PLCG2: variants seen among roughly 807,000 people sequenced by gnomAD.
PLCG2 encodes phospholipase C gamma 2.
PLCG2 carries 69 observed loss-of-function variants against 175.6 expected under a neutral mutation model. That is an observed-to-expected ratio of 0.39 (90% CI 0.32 to 0.48). PLCG2 has a LOEUF of 0.48. Among genes scored for constraint, PLCG2 ranks in the 20% least tolerant of loss-of-function variants. The pLI is 0.91. For missense variants in PLCG2, 1,798 were observed against 1,650.9 expected, an observed-to-expected ratio of 1.09 and a Z score of -1.54; for synonymous variants, 827 against 624.0, an observed-to-expected ratio of 1.33 and a Z score of -4.85.
chr16:81,891,690 C>T (rs919596563), intron 11 of PLCG2, 100 bp downstream of exon 11: 5 of 736,948 alleles, frequency 6.8e-6, no homozygotes, highest in Non-Finnish European at 1.2e-5. Flanking sequence ...TGTTGTGAAG[C>T]AGGTGGAGGG....
chr16:81,858,456 C>T, intron 4 of PLCG2, 100 bp downstream of exon 4: 1 of 850,998 alleles, frequency 1.2e-6, no homozygotes, highest in Non-Finnish European at 2.0e-6. Flanking sequence ...AAAAAAGGGA[C>T]ATTGGTTTTT....
At chr16:81,934,744 A>G (rs1910638046) in intron 26 of PLCG2, among the ~76,000 whole-genome samples, 1 of 152,156 alleles carries the variant, frequency 6.6e-6, no homozygotes, top group African/African-American at 2.4e-5. Context: ...TGATAAAGAC[A>G]TACCCAAGAC....
intron 4 of PLCG2, 95 bp downstream of exon 4, chr16:81,858,451 A>AT: frequency 2.3e-6 from 2 of 865,198 alleles, no homozygotes; most frequent in Admixed American, 3.6e-5. Context: ...AAAAAAAAAA[A>AT]GGGACATTGG....
intron 2 of PLCG2, among the ~76,000 whole-genome samples, chr16:81,772,893 C>T (rs768775258): frequency 1.3e-5 from 2 of 152,172 alleles, no homozygotes; most frequent in Admixed American, 6.5e-5. Context: ...CCTTCGGATG[C>T]CTTCTTGCTC....
rs1474371571 is a variant in PLCG2, at chr16:81,883,525, G to C, written c.765+184G>C. On this transcript the variant is annotated intron_variant, in intron 9 of 32. Coordinates refer to ENST00000564138, the MANE Select transcript of PLCG2 (RefSeq NM_002661.5). ...CAGATGCCAGAGACTTCAGATTGCTGTCTGATGCCACTGAAACTCTGGATG... is the reference window on the plus strand; with the variant it reads ...CAGATGCCAGAGACTTCAGATTGCTCTCTGATGCCACTGAAACTCTGGATG... 5.0e-6 allele frequency: 3 copies of C among 605,102 alleles called. No individual in the cohort carries two copies. The African/African-American group carries it at 5.5e-5, about 11-fold the overall frequency. 37.5% of individuals were successfully genotyped at this position (605,102 alleles called of 1,614,324 possible).
At chr16:81,889,088 G>T in intron 9 of PLCG2, 84 bp from the exon 10 acceptor site, 1 of 794,604 alleles carries the variant, frequency 1.3e-6, no homozygotes. Flanking sequence ...TTCAGTCTTC[G>T]ATTGCGACTG....
At chr16:81,881,410 G>A (rs746130664) in intron 8 of PLCG2, among the ~76,000 whole-genome samples, 1 of 152,220 alleles carries the variant, frequency 6.6e-6, no homozygotes, top group East Asian at 1.9e-4. Flanking sequence ...TTACTAAAAA[G>A]TCAGAGTTGC....
chr16:81,893,860 C>A, intron 12 of PLCG2, 66 bp downstream of exon 12: 1 of 997,840 alleles, frequency 1.0e-6, no homozygotes, highest in Non-Finnish European at 1.6e-6. Flanking sequence ...GTGGTTGCTC[C>A]ATGTTTTCTT....
chr16:81,795,608 T>C (rs1156989258), intron 2 of PLCG2, among the ~76,000 whole-genome samples: 2 of 152,098 alleles, frequency 1.3e-5, no homozygotes, highest in East Asian at 3.9e-4. Flanking sequence ...GACCACTGCA[T>C]GGAGGAAGAG....
At position 81,936,267 on chromosome 16, in the gene PLCG2, G is replaced by T. The variant is rs1381141228; in HGVS notation, c.2941G>T (p.Gly981Cys). 16 of 1,614,038 alleles carry T rather than the reference G, an allele frequency of 9.9e-6. No individual in the cohort carries two copies. The highest frequency in any genetic ancestry group is 1.4e-5 in the Non-Finnish European group (16 of 1,180,020). ...PVDLLKYNQK[G>C]LTRVYPKGQR... ...CGACCTCCTGAAGTACAATCAAAAG[G>T]GCCTGACCCGCGTCTACCCAAAGGG... Residue 981 changes from glycine to cysteine, a missense_variant, in exon 27 of 33, where the codon GGC becomes TGC. Gly to Cys is a radical substitution (Grantham distance 159, BLOSUM62 -3). Transcript: ENST00000564138.
chr16:81,812,942 C>T (rs186684624), intron 2 of PLCG2, among the ~76,000 whole-genome samples: 88 of 152,202 alleles, frequency 5.8e-4, no homozygotes, highest in African/African-American at 1.8e-3. Flanking sequence ...ATCCTTTCCC[C>T]GTTGCTTGTT....
At chr16:81,844,283 G>A (rs1017042150) in intron 2 of PLCG2, among the ~76,000 whole-genome samples, 8 of 150,232 alleles carry the variant, frequency 5.3e-5, no homozygotes, top group South Asian at 4.2e-4. Context: ...GTGAGCCACC[G>A]CGCCCGGGCA....
rs763486467 is a variant in PLCG2, at chr16:81,928,550, C to T, written c.2515-8C>T. 5.0e-6 allele frequency: 8 copies of T among 1,585,346 alleles called. No homozygotes were observed. Among genetic ancestry groups the T allele is most frequent in the South Asian group, 1.1e-5 (1 of 90,494 alleles). Reference sequence around the variant, plus strand: ...AACTAACGTGAGTTATGTCTTGTTTCTTCACAGATTATTGAAGACAATCCC... The same window carrying T: ...AACTAACGTGAGTTATGTCTTGTTTTTTCACAGATTATTGAAGACAATCCC... On this transcript the variant is annotated splice_region_variant and splice_polypyrimidine_tract_variant and intron_variant, in intron 23 of 32. Transcript: ENST00000564138.
intron 2 of PLCG2, among the ~76,000 whole-genome samples, chr16:81,830,762 C>A (rs1295493139): frequency 6.6e-6 from 1 of 151,290 alleles, no homozygotes; most frequent in East Asian, 1.9e-4. Context: ...TCCAGAGGAC[C>A]CTGGAGGAGA....
At chr16:81,834,413 G>C (rs1567489042) in intron 2 of PLCG2, among the ~76,000 whole-genome samples, 1 of 152,128 alleles carries the variant, frequency 6.6e-6, no homozygotes, top group African/African-American at 2.4e-5. Context: ...AGAACTCTGG[G>C]CCTGCAGCTA....
intron 2 of PLCG2, among the ~76,000 whole-genome samples, chr16:81,761,829 ATTTTT>A (rs556864309): frequency 7.7e-6 from 1 of 130,228 alleles, no homozygotes; most frequent in Non-Finnish European, 1.7e-5. Context: ...CACCCTGCAC[ATTTTT>A]TTTTTTTTTT....
chr16:81,831,663 C>T (rs942823702), intron 2 of PLCG2, among the ~76,000 whole-genome samples: 9 of 152,132 alleles, frequency 5.9e-5, no homozygotes, highest in South Asian at 4.1e-4. Flanking sequence ...ATTTGTACCC[C>T]GAGTGGGACT....
intron 9 of PLCG2, among the ~76,000 whole-genome samples, chr16:81,886,864 C>T (rs908453243): frequency 1.5e-4 from 23 of 152,180 alleles, no homozygotes; most frequent in Non-Finnish European, 2.4e-4. Flanking sequence ...TTTTTATTTT[C>T]ATCCTTATTC....
chr16:81,912,820 T>C, intron 19 of PLCG2, 104 bp downstream of exon 19: 1 of 1,334,348 alleles, frequency 7.5e-7, no homozygotes. Context: ...TGCAGTGCCC[T>C]GCCCCCCCAG....
Sources: allele counts gnomAD v4.1 joint callset (sites outside exome capture counted in the v4.1 genomes callset), GRCh38; gene constraint gnomAD v4.1.1; transcripts MANE v1.5; gene names NCBI Gene and HGNC (gene_info 2026-07-23, HGNC 2026-07-21).